Variants in PCDHGB5 observed in about 807,000 individuals in gnomAD.
PCDHGB5 encodes protocadherin gamma-B5.
A neutral mutation model predicts 62.9 loss-of-function variants in PCDHGB5; 48 were observed. The observed-to-expected ratio is 0.76, with a 90% CI of 0.61 to 0.97. The LOEUF (loss-of-function observed/expected upper bound fraction) is 0.97. Among genes scored for constraint, PCDHGB5 ranks in the 50% least tolerant of loss-of-function variants. The pLI is 0.00. For synonymous variants in PCDHGB5, 474 were observed against 511.2 expected, an observed-to-expected ratio of 0.93 and a Z score of 0.98; for missense variants, 1,118 against 1,198.6, an observed-to-expected ratio of 0.93 and a Z score of 0.99.
intron 1 of PCDHGB5, chr5:141,413,324 G>A: frequency 6.2e-7 from 1 of 1,613,968 alleles, no homozygotes; most frequent in South Asian, 1.1e-5. Context: ...TCTTTCGTGG[G>A]CAACATCTCC....
chr5:141,478,424 G>A, intron 1 of PCDHGB5: 2 of 1,613,686 alleles, frequency 1.2e-6, no homozygotes, highest in African/African-American at 1.3e-5. Context: ...CCGCCGCAGC[G>A]ACCCGCTGCT....
intron 1 of PCDHGB5, chr5:141,415,512 T>G (rs997659180): frequency 3.1e-6 from 5 of 1,614,234 alleles, no homozygotes; most frequent in Non-Finnish European, 4.2e-6. Context: ...AGCCCAATTA[T>G]GCGGACACGC....
chr5:141,417,618 G>C, intron 1 of PCDHGB5: 3 of 654,348 alleles, frequency 4.6e-6, no homozygotes, highest in Non-Finnish European at 7.4e-6. Flanking sequence ...CCAGTGCAGA[G>C]CAAGCGCTGA....
In PCDHGB5 at chr5:141,490,751, C is replaced by T. The variant is rs2099703884; in HGVS notation, c.2398-4056C>T. 6.2e-6 allele frequency: 10 copies of T among 1,614,092 alleles called. No individual in the cohort carries two copies. The highest frequency in any genetic ancestry group is 1.7e-5 in the Admixed American group (1 of 60,012). ...AATCAGGTTCAGGGAGCCCCAGCCT[C>T]CTCCTTTGTGTATGTCAACCCAGAG... On this transcript the variant is annotated intron_variant, in intron 1 of 3. Coordinates refer to ENST00000617380, the MANE Select transcript of PCDHGB5 (RefSeq NM_018925.3). This position sits in a 1 kb window ranked among gnomAD's most constrained non-coding sequence, Gnocchi z 5.4.
At chr5:141,434,608 C>T (rs142418557) in intron 1 of PCDHGB5, among the ~76,000 whole-genome samples, 1,532 of 152,226 alleles carry the variant, frequency 0.01, 34 homozygotes, top group African/African-American at 0.034. Flanking sequence ...CCTTTATTTC[C>T]GCCCATCTCT....
intron 1 of PCDHGB5, chr5:141,421,172 G>T: frequency 7.3e-7 from 1 of 1,366,164 alleles, no homozygotes. Flanking sequence ...AGATACATAA[G>T]CCGATTCACA....
chr5:141,490,948 G>T lies in PCDHGB5; in HGVS notation c.2398-3859G>T. 1 of 1,613,756 alleles carries T rather than the reference G, an allele frequency of 6.2e-7. No homozygotes were observed. The highest frequency in any genetic ancestry group is 8.5e-7 in the Non-Finnish European group (1 of 1,179,810). On this transcript the variant is annotated intron_variant, in intron 1 of 3. Coordinates refer to ENST00000617380, the MANE Select transcript of PCDHGB5 (RefSeq NM_018925.3). The surrounding 1 kb of genome is among the most constrained non-coding windows in gnomAD (Gnocchi z 5.4). The stretch of plus-strand genomic sequence containing the variant: ...CCCAGCTGTGCTGCACCCACGGCCA[G>T]ACTGGGAACACTCAGCCCCCCAGCG...
intron 1 of PCDHGB5, chr5:141,416,921 G>C (rs985660835): frequency 6.6e-6 from 1 of 151,994 alleles, no homozygotes; most frequent in Non-Finnish European, 1.5e-5. Flanking sequence ...TAGGGTCATA[G>C]TTATTAACTA....
chr5:141,413,835 CG>C, intron 1 of PCDHGB5: 2 of 1,613,258 alleles, frequency 1.2e-6, no homozygotes, highest in South Asian at 1.1e-5. Context: ...CCGCCTCCGA[CG>C]GGGGTGACCC....
chr5:141,419,851 C>T, intron 1 of PCDHGB5: 1 of 1,614,062 alleles, frequency 6.2e-7, no homozygotes, highest in Non-Finnish European at 8.5e-7. Context: ...ACCTGGTGTT[C>T]GCAGATAGCT....
chr5:141,441,789 A>G (rs889545483), intron 1 of PCDHGB5: 4 of 391,886 alleles, frequency 1.0e-5, no homozygotes, highest in Middle Eastern at 6.4e-4. Context: ...CCTGAATGAC[A>G]ACGCACCGCG....
chr5:141,490,128 C>T lies in PCDHGB5; in HGVS notation c.2398-4679C>T, dbSNP rs970815408. 1.2e-6 allele frequency: 2 copies of T among 1,614,254 alleles called. No homozygotes were observed. Among genetic ancestry groups the T allele is most frequent in the Non-Finnish European group, 8.5e-7 (1 of 1,180,042 alleles). ...CAGTGCGGAACCTCTTTGGCCTAGA[C>T]CCTAGCAGTGGGGCAATCCATGTGT... On this transcript the variant is annotated intron_variant, in intron 1 of 3. Transcript: ENST00000617380. The surrounding 1 kb of genome is among the most constrained non-coding windows in gnomAD (Gnocchi z 5.4).
In PCDHGB5 at chr5:141,400,439, C is replaced by T; in HGVS notation, c.2312C>T (p.Ser771Leu). 6.2e-7 allele frequency: 1 copy of T among 1,614,056 alleles called. No homozygotes were observed. The change falls in exon 1 of 4, where the codon TCA (serine) becomes TTA (leucine). Residue 771 changes from serine (S) to leucine (L), a missense_variant. Coordinates refer to ENST00000617380, the MANE Select transcript of PCDHGB5 (RefSeq NM_018925.3). ...CTAAAATGTAGTGAGCAATTGAGTT[C>T]AGGACAAGACATACTTTGTGGTGAT... is the stretch of plus-strand genomic sequence containing the variant. Reference protein sequence around the residue: ...NFLKCSEQLSSGQDILCGDSS... With the variant: ...NFLKCSEQLSLGQDILCGDSS...
At chr5:141,419,663 G>T (rs1459319505) in intron 1 of PCDHGB5, 1 of 1,612,710 alleles carries the variant, frequency 6.2e-7, no homozygotes, top group Non-Finnish European at 8.5e-7. Flanking sequence ...GGGGCACAAT[G>T]CCTGGCTGTC....
chr5:141,499,138 G>A (rs765607930), intron 2 of PCDHGB5, among the ~76,000 whole-genome samples: 12 of 152,144 alleles, frequency 7.9e-5, no homozygotes, highest in Non-Finnish European at 1.5e-4. Flanking sequence ...TCCTTTGGGT[G>A]TCTGATCCCA....
intron 1 of PCDHGB5, chr5:141,418,106 G>T (rs2096223296): frequency 6.2e-7 from 1 of 1,613,954 alleles, no homozygotes. Flanking sequence ...GCAGAGCGGG[G>T]ACTTACTTGT....
chr5:141,494,675 C>A, intron 1 of PCDHGB5, 132 bp from the exon 2 acceptor site: 2 of 1,548,574 alleles, frequency 1.3e-6, no homozygotes, highest in South Asian at 1.2e-5. Flanking sequence ...TGAGTCCACC[C>A]CTGCCCCCTC....
intron 1 of PCDHGB5, chr5:141,414,677 A>AG: frequency 1.9e-6 from 3 of 1,613,794 alleles, no homozygotes; most frequent in South Asian, 2.2e-5. Flanking sequence ...GACACCATCC[A>AG]GGGGGTACCT....
In PCDHGB5 at chr5:141,503,604, A is replaced by G. The variant is rs189211439; in HGVS notation, c.2457-1789A>G. 5.2e-3 allele frequency among the ~76,000 whole-genome samples: 793 copies of G among 151,946 alleles called. 3 individuals carry two copies. The highest frequency in any genetic ancestry group is 8.3e-3 in the Non-Finnish European group (566 of 67,924). On this transcript the variant is annotated intron_variant, in intron 2 of 3. Coordinates refer to ENST00000617380, the MANE Select transcript of PCDHGB5 (RefSeq NM_018925.3). ...ACAGAGCGAGACTCCAGCTCAAAAA[A>G]AAAAAAAAAAGAAAAAAGAAAAGAA...
Sources: gnomAD v4.1 joint callset for allele counts (sites outside exome capture counted in the v4.1 genomes callset) on GRCh38, gnomAD v4.1.1 for gene constraint, Gnocchi (gnomAD v3.1) non-coding constraint, MANE v1.5 for transcripts, NCBI Gene and HGNC (gene_info 2026-07-23, HGNC 2026-07-21) for gene names.